The following OSBPL8 variants were observed in gnomAD, a reference collection of about 807,000 sequenced individuals.
The protein encoded by OSBPL8 is oxysterol binding protein like 8.
Under a neutral mutation model 125.5 loss-of-function variants are expected in OSBPL8, and 59 were observed. That is an observed-to-expected ratio of 0.47 (90% CI 0.38 to 0.58). The LOEUF (loss-of-function observed/expected upper bound fraction) is 0.58, where lower values mean the gene tolerates loss of function less well. Among genes scored for constraint, OSBPL8 ranks in the 20% least tolerant of loss-of-function variants. The pLI, the probability that OSBPL8 is intolerant of heterozygous loss-of-function variation, is 0.00. For synonymous variants in OSBPL8, 330 were observed against 338.9 expected (o/e 0.97, Z 0.29); for missense variants, 758 against 1,047.8 (o/e 0.72, Z 3.82).
chr12:76,358,856 G>A, intron 21 of OSBPL8, 45 bp from the exon 22 acceptor site: 1 of 1,439,366 alleles, frequency 6.9e-7, no homozygotes, highest in Non-Finnish European at 9.8e-7. Flanking sequence ...CTGTATTTTG[G>A]ACTAAAGACC....
intron 1 of OSBPL8, among the ~76,000 whole-genome samples, chr12:76,499,771 T>C (rs993643393): frequency 2.0e-5 from 3 of 152,052 alleles, no homozygotes; most frequent in Non-Finnish European, 2.9e-5. Flanking sequence ...GGAGAATCAC[T>C]TGGACCCGGG....
At chr12:76,408,247 G>A (rs148581889) in intron 5 of OSBPL8, among the ~76,000 whole-genome samples, 1,945 of 151,286 alleles carry the variant, frequency 0.013, 21 homozygotes, top group Middle Eastern at 0.038. Context: ...AGATTACAAG[G>A]TCAGGAGATC....
At chr12:76,499,304 C>CTCTATCTATCTA (rs1555231510) in intron 1 of OSBPL8, among the ~76,000 whole-genome samples, 19,563 of 127,796 alleles carry the variant, frequency 0.15, 1,712 homozygotes, top group East Asian at 0.31. Flanking sequence ...ACTTAATAAA[C>CTCTATCTATCTA]TCTATCTATC....
chr12:76,519,364 C>T (rs114904681), intron 1 of OSBPL8, among the ~76,000 whole-genome samples: 6,545 of 152,242 alleles, frequency 0.043, 507 homozygotes, highest in African/African-American at 0.15. Context: ...GGCTAGCCTT[C>T]ACTGTCCATA....
chr12:76,429,544 A>G (rs981737835), intron 4 of OSBPL8, among the ~76,000 whole-genome samples: 1 of 152,140 alleles, frequency 6.6e-6, no homozygotes. Flanking sequence ...ACAAAAATCT[A>G]TTTAACTAAA....
chr12:76,375,465 C>T (rs1347727451), intron 16 of OSBPL8, 95 bp from the exon 17 acceptor site: 13 of 799,314 alleles, frequency 1.6e-5, no homozygotes, highest in Non-Finnish European at 2.6e-5. Flanking sequence ...TTAGGAGAAA[C>T]ATAATTCAAA....
chr12:76,410,378 T>C (rs1390103710), intron 5 of OSBPL8, among the ~76,000 whole-genome samples, 186 bp downstream of exon 5: 1 of 152,162 alleles, frequency 6.6e-6, no homozygotes, highest in Non-Finnish European at 1.5e-5. Context: ...ATCAGCTGTA[T>C]TTCTAAGTAG....
chr12:76,414,232 CTATTCATCTAGCACTTAAAG>C (rs1406204202), intron 4 of OSBPL8, among the ~76,000 whole-genome samples: 1 of 151,390 alleles, frequency 6.6e-6, no homozygotes, highest in East Asian at 1.9e-4. Context: ...CCTATCTGTT[CTATTCATCTAGCACTTAAAG>C]TACAGTATTG....
Position 76,397,679 on chromosome 12 carries a change from C to A in OSBPL8, c.672+15G>T. On this transcript the variant is annotated intron_variant, in intron 8 of 23. Transcript: ENST00000261183. The stretch of plus-strand genomic sequence containing the variant: ...TCATCTTTACCTTTCACCTATGTAA[C>A]AAGGGCTTACATACCTTCACTGCCC... 6.2e-7 allele frequency: 1 copy of A among 1,607,352 alleles called. No individual in the cohort carries two copies. The highest frequency in any genetic ancestry group is 1.1e-5 in the South Asian group (1 of 90,736).
chr12:76,435,713 C>T lies in OSBPL8; in HGVS notation c.217+15138G>A, dbSNP rs941774861. Among the ~76,000 whole-genome samples, 6 of 151,844 alleles carry T rather than the reference C, an allele frequency of 4.0e-5. No homozygotes were observed. The South Asian group carries it at 6.2e-4, about 16-fold the overall frequency. On this transcript the variant is annotated intron_variant, in intron 4 of 23. Transcript: ENST00000261183. Reference sequence around the variant, plus strand: ...AAAAAGATCGTTCCAGGCAACAATACGATTTGTGGTGGGAAGGGAAAAAAA... The same window carrying T: ...AAAAAGATCGTTCCAGGCAACAATATGATTTGTGGTGGGAAGGGAAAAAAA...
intron 7 of OSBPL8, among the ~76,000 whole-genome samples, chr12:76,399,265 T>C (rs1446622400): frequency 2.6e-5 from 4 of 152,022 alleles, no homozygotes; most frequent in Non-Finnish European, 5.9e-5. Flanking sequence ...GTACTAAAAT[T>C]TTCTGTGAGT....
chr12:76,449,828 C>G (rs1226035433), intron 4 of OSBPL8, among the ~76,000 whole-genome samples: 1 of 152,054 alleles, frequency 6.6e-6, no homozygotes, highest in East Asian at 1.9e-4. Context: ...ATTCAAAATT[C>G]AAGAGTGAAT....
At chr12:76,492,063 T>C (rs981751858) in intron 1 of OSBPL8, among the ~76,000 whole-genome samples, 10 of 151,866 alleles carry the variant, frequency 6.6e-5, no homozygotes, top group African/African-American at 2.4e-4. Flanking sequence ...ACAATAAAAA[T>C]AATAAATTAA....
chr12:76,532,161 AAG>A (rs1950359252), intron 1 of OSBPL8, among the ~76,000 whole-genome samples: 2 of 151,950 alleles, frequency 1.3e-5, no homozygotes, highest in Non-Finnish European at 2.9e-5. Context: ...TATATTCTCT[AAG>A]AAGAGAAAAA....
intron 1 of OSBPL8, among the ~76,000 whole-genome samples, chr12:76,517,289 C>T (rs1315362952): frequency 2.0e-5 from 3 of 151,928 alleles, no homozygotes; most frequent in Non-Finnish European, 2.9e-5. Context: ...AGGTAAGAGG[C>T]CTTTTAGAGG....
intron 4 of OSBPL8, among the ~76,000 whole-genome samples, chr12:76,436,554 C>T (rs1871472707): frequency 6.6e-6 from 1 of 151,426 alleles, no homozygotes; most frequent in African/African-American, 2.4e-5. Flanking sequence ...CTCACATTCT[C>T]CATCAATTCA....
chr12:76,481,855 A>G (rs1877534532), intron 2 of OSBPL8, among the ~76,000 whole-genome samples: 1 of 152,222 alleles, frequency 6.6e-6, no homozygotes, highest in South Asian at 2.1e-4. Flanking sequence ...CAAGCTCTAA[A>G]ATGTTGCTAA....
Position 76,439,177 on chromosome 12 carries a change from G to A in OSBPL8, c.217+11674C>T, listed in dbSNP as rs759786385. On this transcript the variant is annotated intron_variant, in intron 4 of 23. Coordinates refer to ENST00000261183, the MANE Select transcript of OSBPL8 (RefSeq NM_020841.5). ...GTGCAGATCACGAGGTCAGGAGTTC[G>A]ACACCAGCCTGGCCAATATGGTGAA... Among the ~76,000 whole-genome samples the A allele has an allele frequency of 2.2e-4, 34 of 152,066 alleles. No homozygotes were observed. The South Asian group carries it at 2.5e-3, about 11-fold the overall frequency.
At chr12:76,408,454 T>G (rs1592624737) in intron 5 of OSBPL8, among the ~76,000 whole-genome samples, 1 of 78,388 alleles carries the variant, frequency 1.3e-5, no homozygotes, top group African/African-American at 5.5e-5. Context: ...AGAGCGAGAC[T>G]CCTTCTCAAA....
Sources: allele counts gnomAD v4.1 joint callset (sites outside exome capture counted in the v4.1 genomes callset), GRCh38; gene constraint gnomAD v4.1.1; transcripts MANE v1.5; gene names NCBI Gene and HGNC (gene_info 2026-07-23, HGNC 2026-07-21).